The following ADGRB3 variants were observed in gnomAD, a reference collection of about 807,000 sequenced individuals.
ADGRB3 encodes the protein brain-specific angiogenesis inhibitor 3.
Under a neutral mutation model 193.4 loss-of-function variants are expected in ADGRB3, and 37 were observed. That is an observed-to-expected ratio of 0.19 (90% CI 0.15 to 0.25). ADGRB3 has a LOEUF of 0.25. Ranked by LOEUF, ADGRB3 falls within the 10% of genes least tolerant of loss-of-function variation. ADGRB3 has a pLI of 1.00. For missense variants in ADGRB3, 1,637 were observed against 1,852.9 expected, an observed-to-expected ratio of 0.88 and a Z score of 2.14; for synonymous variants, 690 against 644.2, an observed-to-expected ratio of 1.07 and a Z score of -1.08.
intron 16 of ADGRB3, 30 bp downstream of exon 16, chr6:69,063,066 C>A (rs1172675467): frequency 1.1e-5 from 16 of 1,494,704 alleles, no homozygotes; most frequent in Non-Finnish European, 1.5e-5. Flanking sequence ...CACTGACTTG[C>A]TTATGGAATT....
intron 17 of ADGRB3, among the ~76,000 whole-genome samples, chr6:69,153,126 C>T (rs1187358099): frequency 6.6e-6 from 1 of 151,352 alleles, no homozygotes; most frequent in Non-Finnish European, 1.5e-5. Context: ...CCTATGAAAC[C>T]CTGCATGCAA....
chr6:69,377,246 G>A (rs1473193057), intron 30 of ADGRB3, among the ~76,000 whole-genome samples: 7 of 151,978 alleles, frequency 4.6e-5, no homozygotes, highest in Admixed American at 4.6e-4. Flanking sequence ...TGGTGCTTTG[G>A]CATACTGAGT....
intron 3 of ADGRB3, among the ~76,000 whole-genome samples, chr6:68,664,435 C>A (rs1451614014): frequency 6.6e-6 from 1 of 151,744 alleles, no homozygotes; most frequent in Non-Finnish European, 1.5e-5. Flanking sequence ...ATTGCCCTTA[C>A]AAGAAGAGGT....
intron 3 of ADGRB3, among the ~76,000 whole-genome samples, chr6:68,837,321 A>T (rs1768065115): frequency 6.6e-6 from 1 of 152,202 alleles, no homozygotes. Flanking sequence ...AATTTGTACT[A>T]TCAATATAAT....
chr6:69,065,294 C>G (rs1389047862), intron 16 of ADGRB3, among the ~76,000 whole-genome samples: 1 of 152,086 alleles, frequency 6.6e-6, no homozygotes, highest in Non-Finnish European at 1.5e-5. Flanking sequence ...TCTAGGCGCT[C>G]TTGTTTGGAA....
intron 17 of ADGRB3, among the ~76,000 whole-genome samples, chr6:69,231,162 A>G (rs1766126386): frequency 6.6e-6 from 1 of 152,212 alleles, no homozygotes; most frequent in African/African-American, 2.4e-5. Flanking sequence ...TAAACATGTC[A>G]TATAAAATTT....
At chr6:69,148,243 G>A (rs1774562603) in intron 17 of ADGRB3, among the ~76,000 whole-genome samples, 1 of 151,780 alleles carries the variant, frequency 6.6e-6, no homozygotes. Flanking sequence ...TAATAAATGT[G>A]ATTTTTCTGA....
chr6:69,074,153 TAA>T lies in ADGRB3; in HGVS notation c.2437-1832_2437-1831del, dbSNP rs3837011. ...AAAACAAATGCATTTTCTGATTGCT[TAA>T]AAAAAAAAAGTAAGATACCTTGGAT... On this transcript the variant is annotated intron_variant, in intron 16 of 31. Transcript: ENST00000370598. 1.9e-4 allele frequency among the ~76,000 whole-genome samples: 28 copies of T among 150,702 alleles called. No homozygotes were observed. In the South Asian group the frequency reaches 2.3e-3, roughly 12 times the overall value.
intron 3 of ADGRB3, among the ~76,000 whole-genome samples, chr6:68,765,297 G>T (rs1189052694): frequency 6.6e-6 from 1 of 151,886 alleles, no homozygotes; most frequent in Non-Finnish European, 1.5e-5. Flanking sequence ...GTTTATTTCA[G>T]GTCTGTCTGT....
rs546874074 is a variant in ADGRB3, at chr6:68,895,884, A to G, written c.758-34675A>G. 1.5e-4 allele frequency among the ~76,000 whole-genome samples: 23 copies of G among 152,176 alleles called. No homozygotes were observed. The South Asian group carries it at 2.7e-3, about 18-fold the overall frequency. ...AGCAGACAAAAACATATAAAATATC[A>G]AAGTATTAACTGTTAAAAACAAAAT... On this transcript the variant is annotated intron_variant, in intron 3 of 31. Coordinates refer to ENST00000370598, the MANE Select transcript of ADGRB3 (RefSeq NM_001704.3).
At chr6:68,763,205 C>T (rs914395764) in intron 3 of ADGRB3, among the ~76,000 whole-genome samples, 5 of 152,094 alleles carry the variant, frequency 3.3e-5, no homozygotes, top group Admixed American at 2.0e-4. Flanking sequence ...ATTCTCCTGC[C>T]TCAGCTTCTC....
In ADGRB3 at chr6:68,920,582, G is replaced by A. The variant is rs1293962660; in HGVS notation, c.758-9977G>A. On this transcript the variant is annotated intron_variant, in intron 3 of 31. Transcript: ENST00000370598. ...TATAGAAGTCGTTCTCTTATAAGAAGACTCGTGGGCAACACTGGATACTAC... is the reference window on the plus strand; with the variant it reads ...TATAGAAGTCGTTCTCTTATAAGAAAACTCGTGGGCAACACTGGATACTAC... Among the ~76,000 whole-genome samples the A allele has an allele frequency of 3.5e-5, 5 of 141,790 alleles. No homozygotes were observed. In the South Asian group the frequency reaches 1.2e-3, roughly 33 times the overall value. 93.0% of individuals were successfully genotyped at this position (141,790 alleles called of 152,430 possible).
chr6:68,884,898 C>T (rs1225732172), intron 3 of ADGRB3, among the ~76,000 whole-genome samples: 8 of 152,100 alleles, frequency 5.3e-5, no homozygotes, highest in East Asian at 1.9e-4. Context: ...TCCTATACCT[C>T]CTAGAAGTAC....
Position 69,259,380 on chromosome 6 carries a change from C to A in ADGRB3, c.2814+20154C>A, listed in dbSNP as rs146604105. ...TCTCCCGTGTTGGTGTTCAATAACACGTAGTTAGTTTTAACCTTAAAACTT... is the reference window on the plus strand; with the variant it reads ...TCTCCCGTGTTGGTGTTCAATAACAAGTAGTTAGTTTTAACCTTAAAACTT... On this transcript the variant is annotated intron_variant, in intron 20 of 31. Transcript: ENST00000370598. Among the ~76,000 whole-genome samples, 587 of 152,256 alleles carry A rather than the reference C, an allele frequency of 3.9e-3. 4 individuals are homozygous for A. The highest frequency in any genetic ancestry group is 0.024 in the Middle Eastern group (7 of 294).
chr6:69,119,134 A>G (rs1342488857), intron 17 of ADGRB3, among the ~76,000 whole-genome samples: 3 of 152,250 alleles, frequency 2.0e-5, no homozygotes, highest in East Asian at 3.8e-4. Context: ...TCTGATTTAC[A>G]TAGAAGTCAG....
chr6:69,149,488 T>C (rs1163490884), intron 17 of ADGRB3, among the ~76,000 whole-genome samples: 1 of 152,126 alleles, frequency 6.6e-6, no homozygotes, highest in Non-Finnish European at 1.5e-5. Flanking sequence ...AACAGCTATT[T>C]TGAATGATCT....
In ADGRB3 at chr6:68,909,290, T is replaced by G. The variant is rs151251635; in HGVS notation, c.758-21269T>G. ...TATATTTTCTATTATGAACTTGAATTACTTTTATATGAGAAAACAACACCC... is the reference window on the plus strand; with the variant it reads ...TATATTTTCTATTATGAACTTGAATGACTTTTATATGAGAAAACAACACCC... On this transcript the variant is annotated intron_variant, in intron 3 of 31. Transcript: ENST00000370598. Among the ~76,000 whole-genome samples, 80 of 152,290 alleles carry G rather than the reference T, an allele frequency of 5.3e-4. 1 individual carries two copies. Among genetic ancestry groups the G allele is most frequent in the African/African-American group, 1.8e-3 (75 of 41,572 alleles).
At position 69,388,986 on chromosome 6, in the gene ADGRB3, T is replaced by G. The variant is rs952942352; in HGVS notation, c.*95T>G. Reference sequence around the variant, plus strand: ...CATTTCTATCTGGACAGTGTGACTATCTTATGTCAGGACCTTCATGTGCCA... The same window carrying G: ...CATTTCTATCTGGACAGTGTGACTAGCTTATGTCAGGACCTTCATGTGCCA... On this transcript the variant is annotated 3_prime_UTR_variant, in exon 32 of 32. Coordinates refer to ENST00000370598, the MANE Select transcript of ADGRB3 (RefSeq NM_001704.3). The G allele has an allele frequency of 7.8e-7, 1 of 1,274,352 alleles. No homozygotes were observed. The highest frequency in any genetic ancestry group is 1.1e-6 in the Non-Finnish European group (1 of 935,010). The allele number at this position is 1,274,352 out of a possible 1,614,324, so 78.9% of individuals were successfully genotyped here.
chr6:69,365,131 T>C (rs1274758021), intron 29 of ADGRB3, among the ~76,000 whole-genome samples: 1 of 152,128 alleles, frequency 6.6e-6, no homozygotes, highest in East Asian at 1.9e-4. Flanking sequence ...ATCTTGGACA[T>C]GTTTAGCACA....
Sources: gnomAD v4.1 joint callset for allele counts (sites outside exome capture counted in the v4.1 genomes callset) on GRCh38, gnomAD v4.1.1 for gene constraint, MANE v1.5 for transcripts, NCBI Gene and HGNC (gene_info 2026-07-23, HGNC 2026-07-21) for gene names.